The following NRXN3 variants were observed in gnomAD, a reference collection of about 807,000 sequenced individuals.
The protein encoded by NRXN3 is neurexin III.
In NRXN3, 32 loss-of-function variants were observed where a neutral mutation model predicts 137.6. That is an observed-to-expected ratio of 0.23 (90% CI 0.18 to 0.31). The LOEUF is 0.31. Ranked by LOEUF, NRXN3 falls within the 10% of genes least tolerant of loss-of-function variation. The pLI, the probability that NRXN3 is intolerant of heterozygous loss-of-function variation, is 1.00. For missense variants in NRXN3, 1,574 were observed against 2,062.5 expected, an observed-to-expected ratio of 0.76 and a Z score of 4.59; for synonymous variants, 798 against 784.5, an observed-to-expected ratio of 1.02 and a Z score of -0.29.
At chr14:79,823,947 G>C (rs2099280791) in intron 20 of NRXN3, 1 of 442,270 alleles carries the variant, frequency 2.3e-6, no homozygotes, top group Non-Finnish European at 4.6e-6. Context: ...AGCAGCAGTG[G>C]GCACAAGCTA....
chr14:79,158,976 C>T (rs1221665811), intron 15 of NRXN3, among the ~76,000 whole-genome samples: 1 of 151,884 alleles, frequency 6.6e-6, no homozygotes, highest in South Asian at 2.1e-4. Context: ...GAAGAATGAG[C>T]AGGAGCACTG....
intron 15 of NRXN3, among the ~76,000 whole-genome samples, chr14:79,174,516 T>TATAC (rs1555815318): frequency 6.7e-6 from 1 of 148,722 alleles, no homozygotes; most frequent in Non-Finnish European, 1.5e-5. Context: ...TATATATATA[T>TATAC]ATACACACAC....
intron 15 of NRXN3, among the ~76,000 whole-genome samples, chr14:79,432,795 C>G (rs2095785180): frequency 6.6e-6 from 1 of 152,026 alleles, no homozygotes; most frequent in African/African-American, 2.4e-5. Context: ...CTACTTTGTC[C>G]AGTGGGCTTC....
At chr14:79,573,569 C>A (rs1224326541) in intron 16 of NRXN3, among the ~76,000 whole-genome samples, 1 of 152,108 alleles carries the variant, frequency 6.6e-6, no homozygotes, top group Non-Finnish European at 1.5e-5. Flanking sequence ...CTGTTTTATA[C>A]ACCATGCACT....
At chr14:79,647,503 G>C (rs2098457938) in intron 16 of NRXN3, among the ~76,000 whole-genome samples, 1 of 135,898 alleles carries the variant, frequency 7.4e-6, no homozygotes, top group Non-Finnish European at 1.7e-5. Flanking sequence ...TTTCCTATTG[G>C]TATGTTTCTG....
At chr14:79,583,893 C>G (rs990827706) in intron 16 of NRXN3, among the ~76,000 whole-genome samples, 1 of 152,080 alleles carries the variant, frequency 6.6e-6, no homozygotes, top group African/African-American at 2.4e-5. Context: ...AAACTGAACA[C>G]GTAGCCTCCC....
rs373608604 is a variant in NRXN3, at chr14:78,567,148, G to C, written c.758-77972G>C. ...ACCAAAAGAAGTTGGGTCTTGAAGG[G>C]GCTGCAGGATGGGCCTGGAAGTCTC... On this transcript the variant is annotated intron_variant, in intron 4 of 20. Coordinates refer to ENST00000335750, the MANE Select transcript of NRXN3 (RefSeq NM_001330195.2). Among the ~76,000 whole-genome samples the C allele has an allele frequency of 5.7e-4, 87 of 152,274 alleles. No homozygotes were observed. The East Asian group carries it at 0.015, about 27-fold the overall frequency.
At chr14:79,664,007 A>G (rs2098546569) in intron 17 of NRXN3, 58 bp downstream of exon 17, 25 of 1,563,476 alleles carry the variant, frequency 1.6e-5, no homozygotes, top group Non-Finnish European at 2.2e-5. Context: ...CTCACTTTTC[A>G]GTGGTGATTT....
intron 16 of NRXN3, among the ~76,000 whole-genome samples, chr14:79,614,883 A>G (rs1470159124): frequency 1.3e-5 from 2 of 152,168 alleles, no homozygotes; most frequent in African/African-American, 4.8e-5. Context: ...CTAGTTAGGT[A>G]TTGAAATATT....
intron 8 of NRXN3, among the ~76,000 whole-genome samples, chr14:78,751,170 C>T (rs549644200): frequency 6.6e-6 from 1 of 152,240 alleles, no homozygotes; most frequent in South Asian, 2.1e-4. Context: ...TTAATCTCTG[C>T]ATTATGGTTC....
chr14:78,642,893 T>C (rs79294991), intron 4 of NRXN3, among the ~76,000 whole-genome samples: 5,109 of 152,268 alleles, frequency 0.034, 305 homozygotes, highest in African/African-American at 0.12. Flanking sequence ...GTATGAGTTA[T>C]GGGCTAACTA....
chr14:78,322,859 C>T (rs537001632), intron 4 of NRXN3, among the ~76,000 whole-genome samples: 1 of 152,108 alleles, frequency 6.6e-6, no homozygotes, highest in Admixed American at 6.5e-5. Context: ...CTTTGCCTGG[C>T]CACCTCAACT....
chr14:78,511,354 A>ATATCTGCTT (rs1450099087), intron 4 of NRXN3, among the ~76,000 whole-genome samples: 2 of 152,184 alleles, frequency 1.3e-5, no homozygotes, highest in Non-Finnish European at 2.9e-5. Flanking sequence ...TTAATCACAG[A>ATATCTGCTT]TATCTGCTTG....
At chr14:79,056,646 C>T (rs371799041) in intron 15 of NRXN3, among the ~76,000 whole-genome samples, 2 of 152,134 alleles carry the variant, frequency 1.3e-5, no homozygotes, top group African/African-American at 4.8e-5. Context: ...GCCCACAGAA[C>T]CTTTAGATCT....
At chr14:79,341,336 G>A (rs2092600954) in intron 15 of NRXN3, among the ~76,000 whole-genome samples, 1 of 152,120 alleles carries the variant, frequency 6.6e-6, no homozygotes, top group African/African-American at 2.4e-5. Context: ...GGTAATGAGG[G>A]TAGGTGTGTG....
intron 20 of NRXN3, among the ~76,000 whole-genome samples, chr14:79,813,290 AAAGAAAAAAT>A (rs2099241168): frequency 6.6e-6 from 1 of 152,180 alleles, no homozygotes; most frequent in Non-Finnish European, 1.5e-5. Flanking sequence ...GGAGGGGTGG[AAAGAAAAAAT>A]TATACAGATA....
At chr14:79,393,227 C>G (rs2094911508) in intron 15 of NRXN3, among the ~76,000 whole-genome samples, 1 of 151,822 alleles carries the variant, frequency 6.6e-6, no homozygotes, top group Non-Finnish European at 1.5e-5. Flanking sequence ...GAGCAAATTA[C>G]CATACTCTGA....
chr14:79,337,801 T>C (rs371205071), intron 15 of NRXN3, among the ~76,000 whole-genome samples: 2 of 152,188 alleles, frequency 1.3e-5, no homozygotes, highest in East Asian at 3.9e-4. Flanking sequence ...GTAATACTGT[T>C]GTAGAGAAAT....
At chr14:78,210,357 G>A (rs963411084) in intron 1 of NRXN3, among the ~76,000 whole-genome samples, 4 of 152,114 alleles carry the variant, frequency 2.6e-5, no homozygotes, top group Admixed American at 6.6e-5. Context: ...CTCCACCCTC[G>A]TGACCCAATC....
Sources: allele counts gnomAD v4.1 joint callset (sites outside exome capture counted in the v4.1 genomes callset), GRCh38; gene constraint gnomAD v4.1.1; transcripts MANE v1.5; gene names NCBI Gene and HGNC (gene_info 2026-07-23, HGNC 2026-07-21).